The following GDAP1 variants were observed in gnomAD, a reference collection of about 807,000 sequenced individuals.
GDAP1 encodes the protein ganglioside-induced differentiation-associated protein 1.
In GDAP1, 34 loss-of-function variants were observed where a neutral mutation model predicts 40.1. The observed-to-expected ratio is 0.85, with a 90% CI of 0.64 to 1.13. GDAP1 has a LOEUF of 1.13. Among genes scored for constraint, GDAP1 ranks in the 50% most tolerant of loss-of-function variants. The probability of loss-of-function intolerance (pLI) is 0.00; values close to 1 mark genes in which losing one functional copy is unlikely to be tolerated. For synonymous variants in GDAP1, 170 were observed against 157.4 expected (o/e 1.08, Z -0.60); for missense variants, 374 against 433.7 (o/e 0.86, Z 1.22).
At chr8:74,420,909 G>C (rs1805848858) in intron 2 of GDAP1, among the ~76,000 whole-genome samples, 1 of 151,860 alleles carries the variant, frequency 6.6e-6, no homozygotes, top group African/African-American at 2.4e-5. Context: ...TTATTACTTG[G>C]ATGGGAGCCT....
Position 74,364,164 on chromosome 8 carries a change from G to C in GDAP1, c.874G>C (p.Val292Leu), listed in dbSNP as rs767553697. The change falls in exon 6 of 6, where the codon GTT (valine) becomes CTT (leucine). Residue 292 changes from valine (V) to leucine (L), a missense_variant. Val to Leu is a conservative substitution (Grantham distance 32). Transcript: ENST00000220822. ...CTTGAAGAGAAAAACATTTAACAAG[G>C]TTTTAGGACATGTCAACAATATATT... Reference protein sequence around the residue: ...RVLKRKTFNKVLGHVNNILIS... With the variant: ...RVLKRKTFNKLLGHVNNILIS... 9 of 1,614,106 alleles carry C rather than the reference G, an allele frequency of 5.6e-6. No individual in the cohort carries two copies. The Admixed American group carries it at 1.5e-4, about 27-fold the overall frequency.
chr8:74,447,781 A>C (rs1806250772), intron 2 of GDAP1, among the ~76,000 whole-genome samples: 1 of 152,182 alleles, frequency 6.6e-6, no homozygotes, highest in Admixed American at 6.5e-5. Context: ...CTGGTGGTTC[A>C]ATGAATGCAA....
At position 74,360,027 on chromosome 8, in the gene GDAP1, A is replaced by G. The variant is rs1809279217; in HGVS notation, c.311-110A>G. On this transcript the variant is annotated intron_variant, in intron 2 of 5. Coordinates refer to ENST00000220822, the MANE Select transcript of GDAP1 (RefSeq NM_018972.4). ...TGAGGAGACAGTGTTTTTTGAATATACAGATATGTTGAAAATGTTAATGAT... is the reference window on the plus strand; with the variant it reads ...TGAGGAGACAGTGTTTTTTGAATATGCAGATATGTTGAAAATGTTAATGAT... The G allele has an allele frequency of 5.1e-6, 4 of 787,016 alleles. No homozygotes were observed. The Admixed American group carries it at 7.8e-5, about 15-fold the overall frequency. The allele number at this position is 787,016 out of a possible 1,614,324, so 48.8% of individuals were successfully genotyped here.
At chr8:74,482,866 G>C (rs1806729605) in intron 2 of GDAP1, among the ~76,000 whole-genome samples, 2 of 152,152 alleles carry the variant, frequency 1.3e-5, no homozygotes, top group Admixed American at 6.5e-5. Context: ...CTAAGTACCT[G>C]ATGCTCTTGT....
At chr8:74,485,165 CTG>C (rs1162298003) in intron 2 of GDAP1, among the ~76,000 whole-genome samples, 1 of 152,128 alleles carries the variant, frequency 6.6e-6, no homozygotes, top group Non-Finnish European at 1.5e-5. Flanking sequence ...CTCTTACTTT[CTG>C]TGTTTCAGTT....
chr8:74,372,841 C>T (rs1809778395), intron 2 of GDAP1, among the ~76,000 whole-genome samples: 2 of 152,138 alleles, frequency 1.3e-5, no homozygotes. Flanking sequence ...AGTCCTTGCC[C>T]ATGCCTATGT....
chr8:74,422,282 T>C (rs1309528286), intron 2 of GDAP1, among the ~76,000 whole-genome samples: 2 of 143,408 alleles, frequency 1.4e-5, no homozygotes, highest in Admixed American at 7.0e-5. Context: ...CTTTTCTTTT[T>C]TCTTTTCTTT....
At chr8:74,442,564 A>G (rs62523883) in intron 2 of GDAP1, among the ~76,000 whole-genome samples, 3,609 of 152,344 alleles carry the variant, frequency 0.024, 72 homozygotes, top group Middle Eastern at 0.054. Context: ...CACAATTTCA[A>G]GATGTGGAAA....
intron 2 of GDAP1, among the ~76,000 whole-genome samples, chr8:74,422,812 A>C (rs913448039): frequency 6.6e-6 from 1 of 151,210 alleles, no homozygotes; most frequent in Non-Finnish European, 1.5e-5. Flanking sequence ...TTTATTTCCC[A>C]TTTTCTTCTC....
chr8:74,360,297 T>G lies in GDAP1; in HGVS notation c.471T>G (p.Thr157=), dbSNP rs886293648. The G allele has an allele frequency of 7.4e-6, 12 of 1,613,574 alleles. No individual in the cohort carries two copies. Among genetic ancestry groups the G allele is most frequent in the Middle Eastern group, 3.3e-4 (2 of 6,080 alleles). ...ACTCCATGATCCCGGCTTATGCAAC[T>G]ACAAGGATTCGTAGTATGTAAACAT... The part of the protein sequence containing the change: ...TVDSMIPAYA[T]TRIRSQIGNT... Residue 157 remains threonine, a synonymous_variant, in exon 3 of 6, where the codon ACT becomes ACG. Coordinates refer to ENST00000220822, the MANE Select transcript of GDAP1 (RefSeq NM_018972.4).
chr8:74,353,102 A>G (rs768676855), intron 2 of GDAP1, among the ~76,000 whole-genome samples: 21 of 152,286 alleles, frequency 1.4e-4, no homozygotes, highest in Non-Finnish European at 2.6e-4. Flanking sequence ...TTTTGCTTTT[A>G]GTACAGAATA....
intron 2 of GDAP1, 151 bp downstream of exon 2, chr8:74,351,617 A>G: frequency 2.7e-6 from 2 of 740,338 alleles, no homozygotes; most frequent in Admixed American, 1.9e-5. Flanking sequence ...TAAGCACACA[A>G]ATATCAAATA....
chr8:74,398,540 T>G (rs1232115183), intron 2 of GDAP1, among the ~76,000 whole-genome samples: 1 of 152,186 alleles, frequency 6.6e-6, no homozygotes, highest in Non-Finnish European at 1.5e-5. Context: ...TACCCTTTAT[T>G]TCCTTTTCTT....
intron 2 of GDAP1, among the ~76,000 whole-genome samples, chr8:74,410,937 T>C (rs1805701320): frequency 6.7e-6 from 1 of 150,156 alleles, no homozygotes; most frequent in South Asian, 2.1e-4. Context: ...GTAATCCCCA[T>C]GTGTCAAGGG....
chr8:74,353,012 T>C (rs1808951434), intron 2 of GDAP1, among the ~76,000 whole-genome samples: 1 of 152,200 alleles, frequency 6.6e-6, no homozygotes, highest in Non-Finnish European at 1.5e-5. Flanking sequence ...CTCTAAGAAA[T>C]TCAGTGATAT....
chr8:74,420,545 A>G (rs1451299874), intron 2 of GDAP1, among the ~76,000 whole-genome samples: 7 of 152,194 alleles, frequency 4.6e-5, no homozygotes, highest in Non-Finnish European at 1.0e-4. Context: ...CTATAACAAC[A>G]CAAACAGTAA....
intron 2 of GDAP1, among the ~76,000 whole-genome samples, chr8:74,394,955 C>G (rs1366166174): frequency 6.6e-6 from 1 of 152,156 alleles, no homozygotes; most frequent in East Asian, 1.9e-4. Context: ...ATGCCAGAGG[C>G]CCAGAAATTG....
intron 2 of GDAP1, among the ~76,000 whole-genome samples, chr8:74,450,593 A>G (rs1438354772): frequency 1.3e-5 from 2 of 151,924 alleles, no homozygotes; most frequent in Non-Finnish European, 2.9e-5. Context: ...TTTTATATTG[A>G]TGTAACCACT....
At chr8:74,416,181 A>T (rs1449356866) in intron 2 of GDAP1, among the ~76,000 whole-genome samples, 1 of 149,880 alleles carries the variant, frequency 6.7e-6, no homozygotes, top group African/African-American at 2.5e-5. Context: ...TTATTGTGCC[A>T]TATGTGGGAA....
Sources: allele counts gnomAD v4.1 joint callset (sites outside exome capture counted in the v4.1 genomes callset), GRCh38; gene constraint gnomAD v4.1.1; transcripts MANE v1.5; gene names NCBI Gene and HGNC (gene_info 2026-07-23, HGNC 2026-07-21).